The following CCDC88C variants were observed in gnomAD, a reference collection of about 807,000 sequenced individuals.
CCDC88C encodes the protein protein Daple.
A neutral mutation model predicts 198.8 loss-of-function variants in CCDC88C; 131 were observed. The ratio of observed to expected loss-of-function variants is 0.66; its 90% CI spans 0.57 to 0.76. CCDC88C has a LOEUF of 0.76. Ranked by LOEUF, CCDC88C falls within the 30% of genes least tolerant of loss-of-function variation. The pLI, the probability that CCDC88C is intolerant of heterozygous loss-of-function variation, is 0.00. For synonymous variants in CCDC88C, 1,166 were observed against 1,114.7 expected (o/e 1.05, Z -0.92); for missense variants, 2,553 against 2,631.6 (o/e 0.97, Z 0.65).
chr14:91,272,665 C>T lies in CCDC88C; in HGVS notation c.6047G>A (p.Gly2016Glu). 1 of 1,611,616 alleles carries T rather than the reference C, an allele frequency of 6.2e-7. No homozygotes were observed. The highest frequency in any genetic ancestry group is 2.2e-5 in the East Asian group (1 of 44,864). ...CTCATACCACACGGTCTGCGGATCC[C>T]CGCCGGGCTCCGGGGAGGCCGGACT... ...KSSPASPEPG[G>E]DPQTVWYEYG... Residue 2016 changes from glycine to glutamate, a missense_variant, in exon 30 of 30, where the codon GGG (glycine) becomes GAG (glutamate). Transcript: ENST00000389857.
rs369265137 is a variant in CCDC88C, at chr14:91,314,281, C to T, written c.1666-131G>A. Reference sequence around the variant, plus strand: ...TACCTGTGCTCAGACACTGCCTGTGCGTTCCCCAGAGGCTTGACAGACACA... The same window carrying T: ...TACCTGTGCTCAGACACTGCCTGTGTGTTCCCCAGAGGCTTGACAGACACA... On this transcript the variant is annotated intron_variant, in intron 14 of 29. Transcript: ENST00000389857. The T allele has an allele frequency of 6.3e-5, 44 of 703,422 alleles. 1 individual carries two copies. The highest frequency in any genetic ancestry group is 2.3e-4 in the South Asian group (12 of 52,780). The allele number at this position is 703,422 out of a possible 1,614,324, so 43.6% of individuals were successfully genotyped here.
rs752908243 is a variant in CCDC88C, at chr14:91,313,894, T to C, written c.1922A>G (p.Gln641Arg). The C allele has an allele frequency of 6.2e-7, 1 of 1,610,416 alleles. No homozygotes were observed. The highest frequency in any genetic ancestry group is 1.7e-5 in the Admixed American group (1 of 59,954). ...CCTGGCCAGCCTCCCGTTCTCCTCC[T>C]GGAGTCGCTGTAGCTCCCTCTCCAG... is the stretch of plus-strand genomic sequence containing the variant. ...EKLERELQRLQEENGRLARKV... is the reference protein window; with the variant it reads ...EKLERELQRLREENGRLARKV... The change falls in exon 15 of 30, where the codon CAG becomes CGG. Residue 641 changes from glutamine to arginine, a missense_variant. Coordinates refer to ENST00000389857, the MANE Select transcript of CCDC88C (RefSeq NM_001080414.4). The surrounding 1 kb of genome is among the most constrained non-coding windows in gnomAD (Gnocchi z 5.2).
intron 12 of CCDC88C, among the ~76,000 whole-genome samples, chr14:91,323,017 G>A (rs900156073): frequency 3.3e-5 from 5 of 149,254 alleles, no homozygotes; most frequent in South Asian, 2.1e-4. Flanking sequence ...GCGATTCTCC[G>A]GCCTCAGCCT....
At chr14:91,361,330 T>C (rs1442615822) in intron 3 of CCDC88C, among the ~76,000 whole-genome samples, 6 of 152,156 alleles carry the variant, frequency 3.9e-5, no homozygotes, top group Non-Finnish European at 8.8e-5. Flanking sequence ...TCCAGTGTGC[T>C]GCTAACTAGC....
intron 3 of CCDC88C, among the ~76,000 whole-genome samples, chr14:91,367,834 G>C (rs1437276779): frequency 6.6e-6 from 1 of 152,106 alleles, no homozygotes; most frequent in Non-Finnish European, 1.5e-5. Flanking sequence ...CTTCCCACGA[G>C]GGTGCCCTTC....
At position 91,325,272 on chromosome 14, in the gene CCDC88C, C is replaced by T. The variant is rs1262262436; in HGVS notation, c.1198-349G>A. On this transcript the variant is annotated intron_variant, in intron 11 of 29. Coordinates refer to ENST00000389857, the MANE Select transcript of CCDC88C (RefSeq NM_001080414.4). The surrounding 1 kb of genome is among the most constrained non-coding windows in gnomAD (Gnocchi z 4.1). ...GCGAAGCCCTAACAGGCCTCTAAAG[C>T]TGTTAACAGGCTAACAAATCACAGC... 6.6e-6 allele frequency among the ~76,000 whole-genome samples: 1 copy of T among 152,234 alleles called. No individual in the cohort carries two copies. Among genetic ancestry groups the T allele is most frequent in the East Asian group, 1.9e-4 (1 of 5,206 alleles).
chr14:91,275,046 C>T (rs975713301), intron 29 of CCDC88C, among the ~76,000 whole-genome samples: 1 of 152,108 alleles, frequency 6.6e-6, no homozygotes, highest in Non-Finnish European at 1.5e-5. Flanking sequence ...GGTGGGCATA[C>T]GGTTGTCATT....
intron 3 of CCDC88C, among the ~76,000 whole-genome samples, chr14:91,389,384 A>T (rs1185346537): frequency 1.3e-5 from 2 of 152,300 alleles, no homozygotes; most frequent in African/African-American, 4.8e-5. Context: ...CCAAGTTCAA[A>T]GTCAAGGTCA....
chr14:91,409,281 T>G (rs779614894), intron 2 of CCDC88C, among the ~76,000 whole-genome samples: 2 of 151,744 alleles, frequency 1.3e-5, no homozygotes, highest in African/African-American at 4.8e-5. Context: ...CTCGAACTCC[T>G]GAGCTCAAGG....
intron 3 of CCDC88C, among the ~76,000 whole-genome samples, chr14:91,384,996 A>G (rs1421217007): frequency 6.6e-6 from 1 of 152,234 alleles, no homozygotes; most frequent in Non-Finnish European, 1.5e-5. Flanking sequence ...CTCCCCATGA[A>G]GAAATGCAGT....
chr14:91,341,461 G>T (rs997343289), intron 6 of CCDC88C, among the ~76,000 whole-genome samples: 1 of 152,216 alleles, frequency 6.6e-6, no homozygotes, highest in African/African-American at 2.4e-5. Flanking sequence ...AGGCCCAATG[G>T]CCCCAGCCAG....
chr14:91,313,358 T>C lies in CCDC88C; in HGVS notation c.2458A>G (p.Arg820Gly). The change falls in exon 15 of 30, where the codon AGG becomes GGG. Residue 820 changes from arginine to glycine, a missense_variant. Physicochemically the swap from Arg to Gly is moderately radical, Grantham distance 125. This residue lies in a region of CCDC88C where 1,260 missense variants were observed against 1,412.0 expected (regional missense o/e 0.89). Coordinates refer to ENST00000389857, the MANE Select transcript of CCDC88C (RefSeq NM_001080414.4). This position sits in a 1 kb window ranked among gnomAD's most constrained non-coding sequence, Gnocchi z 5.2. The stretch of plus-strand genomic sequence containing the variant: ...GCCACCTCCTGCTCCAGGGCCTTCC[T>C]GTCCTTCTCGGCCCCCTCCAACTGT... The part of the protein sequence containing the change: ...NAQLEGAEKD[R>G]KALEQEVAQL... 1.9e-6 allele frequency: 3 copies of C among 1,611,536 alleles called. No homozygotes were observed. The highest frequency in any genetic ancestry group is 2.5e-6 in the Non-Finnish European group (3 of 1,179,838).
At chr14:91,369,275 C>G (rs550556958) in intron 3 of CCDC88C, among the ~76,000 whole-genome samples, 1 of 152,224 alleles carries the variant, frequency 6.6e-6, no homozygotes, top group Middle Eastern at 3.2e-3. Context: ...GGCGTGATCT[C>G]GGCTCACTGC....
rs756684531 is a variant in CCDC88C at position 91,289,343 on chromosome 14, C to T, written c.4203G>A (p.Lys1401=). The T allele has an allele frequency of 1.9e-6, 3 of 1,613,508 alleles. No homozygotes were observed. The highest frequency in any genetic ancestry group is 1.7e-6 in the Non-Finnish European group (2 of 1,179,466). ...QYKFYDPPPK[K]KNHWIGAKAL... ...CTTTGGCTCCAATCCAGTGGTTCTT[C>T]CTGGTTAGAAGTAGATGTTTAGGAC... The change falls in exon 25 of 30, where the codon AAG becomes AAA. Residue 1401 remains lysine, a splice_region_variant and synonymous_variant. Coordinates refer to ENST00000389857, the MANE Select transcript of CCDC88C (RefSeq NM_001080414.4).
intron 15 of CCDC88C, among the ~76,000 whole-genome samples, chr14:91,312,551 A>G (rs527476720): frequency 6.6e-6 from 1 of 152,254 alleles, no homozygotes; most frequent in African/African-American, 2.4e-5. Flanking sequence ...CAGGTGTGGT[A>G]GTGTGCATCT....
At chr14:91,373,698 G>A (rs181810491) in intron 3 of CCDC88C, among the ~76,000 whole-genome samples, 47 of 152,294 alleles carry the variant, frequency 3.1e-4, no homozygotes, top group Non-Finnish European at 6.2e-4. Context: ...GAAAAGCCGG[G>A]GAGGAGGAAG....
chr14:91,408,481 G>C lies in CCDC88C; in HGVS notation c.270+178C>G, dbSNP rs77555856. 5,004 of 601,312 alleles carry C rather than the reference G, an allele frequency of 8.3e-3. 98 individuals carry two copies. Among genetic ancestry groups the C allele is most frequent in the African/African-American group, 0.046 (2,488 of 54,276 alleles). The allele number at this position is 601,312 out of a possible 1,614,324, so 37.2% of individuals were successfully genotyped here. On this transcript the variant is annotated intron_variant, in intron 3 of 29. Coordinates refer to ENST00000389857, the MANE Select transcript of CCDC88C (RefSeq NM_001080414.4). The stretch of plus-strand genomic sequence containing the variant: ...CATTCACCAAACAAAGGAAATCAAC[G>C]CACCATCTCATCCTCACACATGCCC...
At chr14:91,398,080 A>G (rs1310097216) in intron 3 of CCDC88C, among the ~76,000 whole-genome samples, 6 of 152,204 alleles carry the variant, frequency 3.9e-5, no homozygotes, top group Middle Eastern at 6.3e-3. Context: ...AGCCCCCAGC[A>G]TGGGCACTCA....
chr14:91,293,028 CCG>C (rs1890731856), intron 23 of CCDC88C, among the ~76,000 whole-genome samples: 2 of 152,048 alleles, frequency 1.3e-5, no homozygotes, highest in East Asian at 1.9e-4. Flanking sequence ...GCTCACCTTC[CCG>C]TCCTCACCTG....
Sources: gnomAD v4.1 joint callset for allele counts (sites outside exome capture counted in the v4.1 genomes callset) on GRCh38, gnomAD v4.1.1 for gene constraint, gnomAD v4.1.1 regional missense constraint, Gnocchi (gnomAD v3.1) non-coding constraint, MANE v1.5 for transcripts, NCBI Gene and HGNC (gene_info 2026-07-23, HGNC 2026-07-21) for gene names.